CLCN4: variants seen among roughly 807,000 people sequenced by gnomAD.
CLCN4 encodes H(+)/Cl(-) exchange transporter 4.
A neutral mutation model predicts 41.7 loss-of-function variants in CLCN4; 1 was observed. That is an observed-to-expected ratio of 0.02 (90% CI 0.01 to 0.11). The LOEUF (loss-of-function observed/expected upper bound fraction) is 0.11, where lower values mean the gene tolerates loss of function less well. Ranked by LOEUF, CLCN4 falls within the 10% of genes least tolerant of loss-of-function variation. The probability of loss-of-function intolerance (pLI) is 1.00; values close to 1 mark genes in which losing one functional copy is unlikely to be tolerated. For missense variants in CLCN4, 287 were observed against 661.0 expected (o/e 0.43, Z 6.20); for synonymous variants, 277 against 285.8 (o/e 0.97, Z 0.31).
intron 12 of CLCN4, among the ~76,000 whole-genome samples, chrX:10,230,470 A>T (rs1397697359): frequency 8.9e-6 from 1 of 112,043 alleles, no homozygotes; most frequent in African/African-American, 3.2e-5. Flanking sequence ...CCTCATTATG[A>T]CAGTTGAGCC....
intron 6 of CLCN4, among the ~76,000 whole-genome samples, chrX:10,202,496 A>G (rs1212499915): frequency 3.7e-5 from 4 of 107,201 alleles, no homozygotes; most frequent in Non-Finnish European, 7.7e-5. Flanking sequence ...AAAAATAGCC[A>G]GGTTTGGTGG....
At position 10,198,117 on chromosome X, in the gene CLCN4, A is replaced by AAT. The variant is rs1216719928; in HGVS notation, c.555+56_555+57insAT. 363 of 1,130,168 alleles carry AAT rather than the reference A, an allele frequency of 3.2e-4. 1 individual carries two copies. In the African/African-American group the frequency reaches 5.9e-3, roughly 18 times the overall value. The allele number at this position is 1,130,168 out of a possible 1,213,427, so 93.1% of individuals were successfully genotyped here. On this transcript the variant is annotated intron_variant, in intron 6 of 12. Transcript: ENST00000380833. ...TAATAAGAATAGCAAATTCTTCTGT[A>AAT]GCACTGTCATGCCAAGCACAGTTCC... is the stretch of plus-strand genomic sequence containing the variant.
chrX:10,231,702 G>A (rs754735547), intron 12 of CLCN4, among the ~76,000 whole-genome samples: 7 of 111,770 alleles, frequency 6.3e-5, no homozygotes, highest in Non-Finnish European at 9.4e-5. Flanking sequence ...ACGCTATGGA[G>A]TCTGCTTTTC....
intron 2 of CLCN4, among the ~76,000 whole-genome samples, chrX:10,184,370 C>T (rs973398517): frequency 9.0e-6 from 1 of 111,384 alleles, no homozygotes; most frequent in African/African-American, 3.3e-5. Context: ...TTCATAGATA[C>T]GTGTGTGTGT....
At chrX:10,160,481 G>A (rs1486638630) in intron 2 of CLCN4, among the ~76,000 whole-genome samples, 2 of 110,662 alleles carry the variant, frequency 1.8e-5, no homozygotes, top group African/African-American at 3.3e-5. Context: ...GAAACCTGCC[G>A]GGGCTTCGTG....
intron 2 of CLCN4, among the ~76,000 whole-genome samples, chrX:10,172,813 C>T (rs1923417895): frequency 8.9e-6 from 1 of 111,960 alleles, no homozygotes; most frequent in South Asian, 3.7e-4. Flanking sequence ...TTTGCTATAG[C>T]CTCAAACATT....
intron 2 of CLCN4, among the ~76,000 whole-genome samples, chrX:10,160,992 G>C (rs959730885): frequency 9.0e-6 from 1 of 110,954 alleles, no homozygotes; most frequent in Non-Finnish European, 1.9e-5. Flanking sequence ...GCAAGGGGGG[G>C]ACATGTTTAC....
At chrX:10,196,222 A>G (rs757049468) in intron 5 of CLCN4, among the ~76,000 whole-genome samples, 2 of 112,595 alleles carry the variant, frequency 1.8e-5, no homozygotes, top group South Asian at 7.2e-4. Context: ...ATTGCATTTT[A>G]TGACCACATT....
At chrX:10,172,751 C>G (rs973584586) in intron 2 of CLCN4, among the ~76,000 whole-genome samples, 3 of 110,713 alleles carry the variant, frequency 2.7e-5, no homozygotes, top group African/African-American at 9.9e-5. Flanking sequence ...TTTTAAACTT[C>G]CACTTCTAAT....
chrX:10,159,943 A>G, intron 2 of CLCN4, among the ~76,000 whole-genome samples: 1 of 110,641 alleles, frequency 9.0e-6, no homozygotes, highest in Non-Finnish European at 1.9e-5. Flanking sequence ...TCTCGTCCTC[A>G]AAGTAACAAA....
At chrX:10,157,613 A>G (rs1010920086) in intron 1 of CLCN4, among the ~76,000 whole-genome samples, 17 of 113,037 alleles carry the variant, frequency 1.5e-4, no homozygotes, top group African/African-American at 4.8e-4. Flanking sequence ...TCACAGTTGT[A>G]ATTTTCTAAA....
chrX:10,212,021 T>G (rs1334467346), intron 9 of CLCN4, among the ~76,000 whole-genome samples: 1 of 111,960 alleles, frequency 8.9e-6, no homozygotes, highest in Non-Finnish European at 1.9e-5. Context: ...TGGACTTAGC[T>G]TCTTTATTTT....
At chrX:10,223,107 T>C (rs1481185841) in intron 12 of CLCN4, among the ~76,000 whole-genome samples, 1 of 111,463 alleles carries the variant, frequency 9.0e-6, no homozygotes, top group African/African-American at 3.3e-5. Context: ...GAATATTCTT[T>C]CCTAACAAGC....
At chrX:10,180,791 A>G (rs1426323683) in intron 2 of CLCN4, among the ~76,000 whole-genome samples, 26 of 102,340 alleles carry the variant, frequency 2.5e-4, no homozygotes, top group Admixed American at 5.3e-4. Context: ...AAAAAAAAAA[A>G]AAAGAAAGAA....
Position 10,185,008 on chromosome X carries a change from G to T in CLCN4, c.-11-14G>T. On this transcript the variant is annotated splice_polypyrimidine_tract_variant and intron_variant, in intron 2 of 12. Transcript: ENST00000380833. ...GTCCTGCTCATGTCTTTAACGACCG[G>T]TTTTCTTGCCCAGGTGTAATTAGCA... The T allele has an allele frequency of 1.7e-6, 2 of 1,180,038 alleles. No homozygotes were observed. The highest frequency in any genetic ancestry group is 2.3e-6 in the Non-Finnish European group (2 of 874,824).
At chrX:10,165,861 G>C (rs1422906559) in intron 2 of CLCN4, among the ~76,000 whole-genome samples, 1 of 111,866 alleles carries the variant, frequency 8.9e-6, no homozygotes, top group Non-Finnish European at 1.9e-5. Flanking sequence ...ATGTCAGCCC[G>C]TGTGTTGGTC....
chrX:10,187,982 T>C lies in CLCN4; in HGVS notation c.244+368T>C, dbSNP rs1214733127. ...CCCAGGCTGGAGGGCAGTGGAATGA[T>C]GCCAGTTCACTGCAGCCTCCACCTC... is the stretch of plus-strand genomic sequence containing the variant. On this transcript the variant is annotated intron_variant, in intron 4 of 12. Transcript: ENST00000380833. Among the ~76,000 whole-genome samples the C allele has an allele frequency of 2.7e-5, 3 of 112,255 alleles. No individual in the cohort carries two copies. In the East Asian group the frequency reaches 8.4e-4, roughly 31 times the overall value.
intron 2 of CLCN4, among the ~76,000 whole-genome samples, chrX:10,175,970 C>G (rs1465632654): frequency 2.2e-4 from 15 of 68,506 alleles, no homozygotes; most frequent in Non-Finnish European, 3.0e-4. Context: ...CTCTCTCTCT[C>G]TGTGTGTGTG....
At chrX:10,205,421 C>T (rs1488940921) in intron 6 of CLCN4, among the ~76,000 whole-genome samples, 1 of 98,320 alleles carries the variant, frequency 1.0e-5, no homozygotes, top group Non-Finnish European at 2.0e-5. Flanking sequence ...TGCAGTGAGC[C>T]GAGACCGCAC....
Sources: gnomAD v4.1 joint callset for allele counts (sites outside exome capture counted in the v4.1 genomes callset) on GRCh38, gnomAD v4.1.1 for gene constraint, MANE v1.5 for transcripts, NCBI Gene and HGNC (gene_info 2026-07-23, HGNC 2026-07-21) for gene names.